Variants in ARID2 observed in about 807,000 individuals in gnomAD.
The protein encoded by ARID2 is AT-rich interactive domain-containing protein 2.
Under a neutral mutation model 184.6 loss-of-function variants are expected in ARID2, and 32 were observed. The ratio of observed to expected loss-of-function variants is 0.17; its 90% CI spans 0.13 to 0.23. The LOEUF is 0.23. Among genes scored for constraint, ARID2 ranks in the 10% least tolerant of loss-of-function variants. ARID2 has a pLI of 1.00. For missense variants in ARID2, 1,696 were observed against 2,197.6 expected, an observed-to-expected ratio of 0.77 and a Z score of 4.56; for synonymous variants, 836 against 772.6, an observed-to-expected ratio of 1.08 and a Z score of -1.36.
chr12:45,733,589 GT>G (rs1941046447), intron 3 of ARID2, among the ~76,000 whole-genome samples: 1 of 152,136 alleles, frequency 6.6e-6, no homozygotes, highest in Middle Eastern at 3.2e-3. Context: ...CATTATATGT[GT>G]TATTCCTCCT....
intron 16 of ARID2, among the ~76,000 whole-genome samples, chr12:45,867,742 CAA>C (rs1025705649): frequency 2.6e-4 from 25 of 95,550 alleles, no homozygotes; most frequent in Admixed American, 6.6e-4. Flanking sequence ...GACTCCATCT[CAA>C]AAAAAAAAAA....
At chr12:45,872,800 G>A (rs958197818) in intron 16 of ARID2, among the ~76,000 whole-genome samples, 7 of 152,152 alleles carry the variant, frequency 4.6e-5, no homozygotes, top group African/African-American at 1.7e-4. Context: ...GTCCCAGATT[G>A]TGGTCTATCT....
intron 16 of ARID2, 152 bp from the exon 17 acceptor site, chr12:45,891,628 G>A: frequency 2.7e-6 from 2 of 740,520 alleles, no homozygotes; most frequent in Non-Finnish European, 4.2e-6. Context: ...ATTGAAGGTA[G>A]GGAATTATGA....
chr12:45,881,801 C>T, intron 16 of ARID2: 1 of 220,150 alleles, frequency 4.5e-6, no homozygotes, highest in Non-Finnish European at 8.9e-6. Flanking sequence ...ACTGAGAAGG[C>T]TCTGGGTTCC....
At chr12:45,790,675 T>C (rs932722354) in intron 3 of ARID2, among the ~76,000 whole-genome samples, 1 of 152,222 alleles carries the variant, frequency 6.6e-6, no homozygotes, top group Non-Finnish European at 1.5e-5. Flanking sequence ...TAAATTCTTT[T>C]GAATTTCTTA....
intron 3 of ARID2, among the ~76,000 whole-genome samples, chr12:45,737,800 T>C (rs1941159322): frequency 6.6e-6 from 1 of 152,160 alleles, no homozygotes; most frequent in East Asian, 1.9e-4. Flanking sequence ...TGGTCAGGGT[T>C]ACATCCAGAA....
At chr12:45,876,626 C>T (rs1304539396) in intron 16 of ARID2, among the ~76,000 whole-genome samples, 4 of 149,376 alleles carry the variant, frequency 2.7e-5, no homozygotes, top group African/African-American at 9.8e-5. Context: ...AAGGTGACAT[C>T]AAGATCACTG....
chr12:45,848,460 G>A (rs1943482313), intron 12 of ARID2, among the ~76,000 whole-genome samples: 1 of 151,980 alleles, frequency 6.6e-6, no homozygotes, highest in Non-Finnish European at 1.5e-5. Flanking sequence ...CAGCTACAAT[G>A]CAAATAGCAC....
intron 6 of ARID2, among the ~76,000 whole-genome samples, chr12:45,829,383 A>G (rs1202795148): frequency 1.3e-5 from 2 of 152,016 alleles, no homozygotes; most frequent in African/African-American, 2.4e-5. Flanking sequence ...ATTGCTAAAA[A>G]TGTTATTTTT....
At chr12:45,782,986 G>A (rs1942124563) in intron 3 of ARID2, among the ~76,000 whole-genome samples, 1 of 151,704 alleles carries the variant, frequency 6.6e-6, no homozygotes, top group Non-Finnish European at 1.5e-5. Flanking sequence ...ATTAGCCAGG[G>A]GTGGTCGTGC....
intron 3 of ARID2, among the ~76,000 whole-genome samples, chr12:45,766,163 T>G (rs1030555256): frequency 5.9e-5 from 9 of 152,052 alleles, no homozygotes; most frequent in African/African-American, 2.2e-4. Context: ...ATGTTAGGCA[T>G]ATATTTAACT....
At chr12:45,754,996 G>A (rs1405559358) in intron 3 of ARID2, among the ~76,000 whole-genome samples, 1 of 152,174 alleles carries the variant, frequency 6.6e-6, no homozygotes, top group Non-Finnish European at 1.5e-5. Context: ...ACAATAAAAA[G>A]GAAGATGGGG....
chr12:45,823,216 A>G (rs1249941558), intron 6 of ARID2, among the ~76,000 whole-genome samples: 2 of 152,188 alleles, frequency 1.3e-5, no homozygotes, highest in Non-Finnish European at 2.9e-5. Context: ...GTGCTCCTGA[A>G]TGACTATTGG....
At chr12:45,801,434 A>C (rs1942500301) in intron 3 of ARID2, among the ~76,000 whole-genome samples, 1 of 152,222 alleles carries the variant, frequency 6.6e-6, no homozygotes, top group Admixed American at 6.5e-5. Context: ...TTTAGACTTA[A>C]AGTGTTTTTC....
At chr12:45,803,719 G>A (rs969799684) in intron 3 of ARID2, among the ~76,000 whole-genome samples, 8 of 152,056 alleles carry the variant, frequency 5.3e-5, no homozygotes, top group African/African-American at 1.4e-4. Context: ...GGTGAGAAGC[G>A]TCTACTCTGC....
chr12:45,848,599 A>AT (rs1943484985), intron 12 of ARID2, among the ~76,000 whole-genome samples: 1 of 152,094 alleles, frequency 6.6e-6, no homozygotes, highest in Non-Finnish European at 1.5e-5. Context: ...TTGGGATGTG[A>AT]ACATAGTTTT....
rs1257668817 is a variant in ARID2, at chr12:45,852,661, A to G, written c.4538A>G (p.Lys1513Arg). Residue 1513 changes from lysine (K) to arginine (R), a missense_variant, in exon 15 of 21, where the codon AAA (lysine) becomes AGA (arginine). Lys to Arg is a conservative substitution (Grantham distance 26). Coordinates refer to ENST00000334344, the MANE Select transcript of ARID2 (RefSeq NM_152641.4). ...VRSTNGTAEC[K>R]TVKRPAEDTD... Reference sequence around the variant, plus strand: ...TCTACAAATGGCACAGCAGAATGCAAAACTGTAAAGAGGCCAGCAGAGGAT... The same window carrying G: ...TCTACAAATGGCACAGCAGAATGCAGAACTGTAAAGAGGCCAGCAGAGGAT... 3.1e-6 allele frequency: 5 copies of G among 1,614,178 alleles called. No homozygotes were observed.
intron 16 of ARID2, chr12:45,881,323 G>A (rs2138217704): frequency 6.0e-6 from 1 of 166,800 alleles, no homozygotes; most frequent in Non-Finnish European, 1.3e-5. Flanking sequence ...CCTGGTCTGT[G>A]TGCCCCTTGT....
At chr12:45,733,432 C>T (rs1011756686) in intron 3 of ARID2, among the ~76,000 whole-genome samples, 1 of 152,140 alleles carries the variant, frequency 6.6e-6, no homozygotes, top group Non-Finnish European at 1.5e-5. Flanking sequence ...AAATAGTAAT[C>T]GAGTGACTTG....
Sources: allele counts gnomAD v4.1 joint callset (sites outside exome capture counted in the v4.1 genomes callset), GRCh38; gene constraint gnomAD v4.1.1; transcripts MANE v1.5; gene names NCBI Gene and HGNC (gene_info 2026-07-23, HGNC 2026-07-21).